The following SLCO1B1 variants were observed in gnomAD, a reference collection of about 807,000 sequenced individuals.
SLCO1B1 encodes solute carrier organic anion transporter family member 1B1.
In SLCO1B1, 81 loss-of-function variants were observed where a neutral mutation model predicts 70.1. That is an observed-to-expected ratio of 1.16 (90% confidence interval 0.97 to 1.39). The LOEUF is 1.39. Among genes scored for constraint, SLCO1B1 ranks in the 40% most tolerant of loss-of-function variants. SLCO1B1 has a pLI of 0.00. For missense variants in SLCO1B1, 895 were observed against 799.6 expected (o/e 1.12, Z -1.44); for synonymous variants, 283 against 271.5 (o/e 1.04, Z -0.42).
chr12:21,160,462 A>C (rs1473098936), intron 2 of SLCO1B1, among the ~76,000 whole-genome samples: 1 of 151,926 alleles, frequency 6.6e-6, no homozygotes, highest in Non-Finnish European at 1.5e-5. Flanking sequence ...CTTACACCAT[A>C]CATAAAAATT....
chr12:21,182,036 C>T (rs4381410), intron 7 of SLCO1B1, among the ~76,000 whole-genome samples: 16,481 of 152,118 alleles, frequency 0.11, 1,192 homozygotes, highest in Non-Finnish European at 0.16. Context: ...ACTGAGGAAG[C>T]CCAAAATATT....
chr12:21,221,963 A>G (rs536756177), intron 12 of SLCO1B1, among the ~76,000 whole-genome samples: 6 of 152,236 alleles, frequency 3.9e-5, no homozygotes, highest in African/African-American at 1.4e-4. Context: ...TTTCACACTT[A>G]TTATAACACT....
chr12:21,180,337 T>C (rs1940879931), intron 7 of SLCO1B1, among the ~76,000 whole-genome samples: 1 of 152,166 alleles, frequency 6.6e-6, no homozygotes, highest in African/African-American at 2.4e-5. Context: ...TGAAGCCTCT[T>C]CCAAAATGTG....
At chr12:21,166,925 C>A (rs143234824) in intron 2 of SLCO1B1, among the ~76,000 whole-genome samples, 1 of 152,074 alleles carries the variant, frequency 6.6e-6, no homozygotes, top group East Asian at 1.9e-4. Flanking sequence ...GTAAAGCGAC[C>A]TTGGTACATT....
At chr12:21,157,926 G>T (rs977319407) in intron 2 of SLCO1B1, among the ~76,000 whole-genome samples, 3 of 152,048 alleles carry the variant, frequency 2.0e-5, no homozygotes, top group African/African-American at 7.2e-5. Context: ...TTCCTGAAGG[G>T]CAGGGAAAAT....
intron 2 of SLCO1B1, among the ~76,000 whole-genome samples, chr12:21,146,964 A>G (rs182136678): frequency 2.6e-5 from 4 of 152,252 alleles, no homozygotes; most frequent in East Asian, 1.9e-4. Context: ...GTTAAGGTCA[A>G]TCATGTTCTT....
intron 1 of SLCO1B1, among the ~76,000 whole-genome samples, chr12:21,136,313 A>G (rs1421076522): frequency 2.0e-5 from 3 of 151,916 alleles, no homozygotes; most frequent in Admixed American, 2.0e-4. Context: ...TGTGTCTTGG[A>G]GTTGCTCTTC....
intron 4 of SLCO1B1, 143 bp from the exon 5 acceptor site, chr12:21,176,633 A>T: frequency 1.5e-6 from 1 of 649,384 alleles, no homozygotes; most frequent in African/African-American, 1.8e-5. Context: ...CTTAAAACAC[A>T]TGCTGGGAAA....
intron 2 of SLCO1B1, among the ~76,000 whole-genome samples, chr12:21,144,336 T>G (rs1940353605): frequency 1.3e-5 from 2 of 152,002 alleles, no homozygotes; most frequent in South Asian, 4.1e-4. Flanking sequence ...GTTTGAAGAT[T>G]ACCCCTTTGA....
intron 7 of SLCO1B1, among the ~76,000 whole-genome samples, chr12:21,186,696 A>C (rs1335817573): frequency 6.6e-6 from 1 of 152,100 alleles, no homozygotes; most frequent in Non-Finnish European, 1.5e-5. Flanking sequence ...AAGGAAATTC[A>C]TGATGGCATT....
At chr12:21,220,642 A>C (rs1412699628) in intron 12 of SLCO1B1, among the ~76,000 whole-genome samples, 2 of 152,088 alleles carry the variant, frequency 1.3e-5, no homozygotes, top group Non-Finnish European at 2.9e-5. Flanking sequence ...TTCATGAGAA[A>C]AACTAGGAAA....
intron 5 of SLCO1B1, 34 bp from the exon 6 acceptor site, chr12:21,178,542 A>C (rs745674032): frequency 1.0e-5 from 15 of 1,477,334 alleles, no homozygotes; most frequent in Non-Finnish European, 1.4e-5. Context: ...GCTAAAATTA[A>C]TGTTTAAAAT....
intron 2 of SLCO1B1, among the ~76,000 whole-genome samples, chr12:21,154,774 C>T (rs1192916978): frequency 6.6e-6 from 1 of 151,966 alleles, no homozygotes; most frequent in Non-Finnish European, 1.5e-5. Context: ...GCAATTCTTC[C>T]AAAATTGTTT....
intron 7 of SLCO1B1, among the ~76,000 whole-genome samples, chr12:21,195,558 A>G (rs1258549390): frequency 1.3e-5 from 2 of 152,192 alleles, no homozygotes; most frequent in African/African-American, 2.4e-5. Flanking sequence ...CATTGGAAGC[A>G]AGCATATGCC....
intron 4 of SLCO1B1, among the ~76,000 whole-genome samples, chr12:21,175,490 G>C (rs4149040): frequency 0.51 from 78,056 of 151,968 alleles, 21,597 homozygotes; most frequent in East Asian, 0.75. Flanking sequence ...AAAATCCCAA[G>C]TATAATTACT....
intron 1 of SLCO1B1, among the ~76,000 whole-genome samples, chr12:21,134,181 T>G (rs889338352): frequency 9.2e-5 from 14 of 152,140 alleles, no homozygotes; most frequent in South Asian, 2.1e-4. Context: ...CAGGGATGAA[T>G]CCCACTTGGT....
chr12:21,214,863 AG>A (rs1941338950), intron 11 of SLCO1B1, among the ~76,000 whole-genome samples: 1 of 151,974 alleles, frequency 6.6e-6, no homozygotes, highest in South Asian at 2.1e-4. Flanking sequence ...TGACTGGGAA[AG>A]GGAACTCCCT....
chr12:21,174,199 A>C (rs1940791216), intron 3 of SLCO1B1, among the ~76,000 whole-genome samples: 1 of 152,116 alleles, frequency 6.6e-6, no homozygotes, highest in Non-Finnish European at 1.5e-5. Context: ...TCTGGCTCTG[A>C]GCTTCATGTC....
intron 3 of SLCO1B1, 26 bp from the exon 4 acceptor site, chr12:21,174,551 T>C: frequency 6.2e-7 from 1 of 1,611,018 alleles, no homozygotes; most frequent in South Asian, 1.1e-5. Context: ...CTAAGCTGTA[T>C]CAACATAATT....
Sources: gnomAD v4.1 joint callset for allele counts (sites outside exome capture counted in the v4.1 genomes callset) on GRCh38, gnomAD v4.1.1 for gene constraint, MANE v1.5 for transcripts, NCBI Gene and HGNC (gene_info 2026-07-23, HGNC 2026-07-21) for gene names.